TASP1: variants seen among roughly 807,000 people sequenced by gnomAD.
The protein encoded by TASP1 is threonine aspartase 1.
Under a neutral mutation model 56.6 loss-of-function variants are expected in TASP1, and 16 were observed. The ratio of observed to expected loss-of-function variants is 0.28; its 90% confidence interval spans 0.19 to 0.43. The LOEUF is 0.43. TASP1 is among the 20% of genes least tolerant of loss of function. TASP1 has a pLI of 1.00. For synonymous variants in TASP1, 179 were observed against 184.2 expected, an observed-to-expected ratio of 0.97 and a Z score of 0.23; for missense variants, 393 against 511.6, an observed-to-expected ratio of 0.77 and a Z score of 2.24.
chr20:13,183,322 T>C, the TASP1 span, among the ~76,000 whole-genome samples: 3 of 152,204 alleles, frequency 2.0e-5, no homozygotes. Context: ...AGCTGAGATA[T>C]TAAGACCAGA....
At chr20:13,426,720 A>T (rs2042629866) in intron 12 of TASP1, among the ~76,000 whole-genome samples, 2 of 151,802 alleles carry the variant, frequency 1.3e-5, no homozygotes, top group Non-Finnish European at 2.9e-5. Context: ...GAAAAGTTTA[A>T]ATATCATGTC....
At chr20:13,530,216 T>C (rs1408191128) in intron 9 of TASP1, among the ~76,000 whole-genome samples, 1 of 152,200 alleles carries the variant, frequency 6.6e-6, no homozygotes, top group Non-Finnish European at 1.5e-5. Context: ...CCCATGTTCA[T>C]GTGACCCATA....
the TASP1 span, among the ~76,000 whole-genome samples, chr20:13,220,274 G>C: frequency 1.3e-5 from 2 of 152,186 alleles, no homozygotes; most frequent in Non-Finnish European, 2.9e-5. Context: ...AGGTCAAGGA[G>C]GGAAGTGCGC....
chr20:13,494,989 T>A (rs113554835), intron 10 of TASP1, among the ~76,000 whole-genome samples: 12 of 151,832 alleles, frequency 7.9e-5, no homozygotes, highest in African/African-American at 2.9e-4. Context: ...GTTATAAACA[T>A]CTACAAATAT....
chr20:13,312,150 C>T, the TASP1 span, among the ~76,000 whole-genome samples: 2 of 152,100 alleles, frequency 1.3e-5, no homozygotes, highest in Non-Finnish European at 2.9e-5. Context: ...ACAACTGCTA[C>T]GTTATCTTCT....
the TASP1 span, among the ~76,000 whole-genome samples, chr20:13,169,472 T>C: frequency 6.6e-6 from 1 of 152,092 alleles, no homozygotes; most frequent in African/African-American, 2.4e-5. Context: ...GATGTTATCA[T>C]AGCAAAGGCC....
At chr20:13,262,013 C>T in the TASP1 span, among the ~76,000 whole-genome samples, 1 of 152,172 alleles carries the variant, frequency 6.6e-6, no homozygotes, top group South Asian at 2.1e-4. Flanking sequence ...TCCCTCTGGT[C>T]GTAGGAGGAC....
chr20:13,439,245 T>G (rs547824706), intron 11 of TASP1, among the ~76,000 whole-genome samples: 89 of 152,238 alleles, frequency 5.8e-4, no homozygotes, highest in Admixed American at 1.3e-3. Flanking sequence ...AGCAAAGACT[T>G]GGAACCAACC....
chr20:13,164,716 T>C, the TASP1 span: 5 of 1,506,576 alleles, frequency 3.3e-6, no homozygotes, highest in South Asian at 5.8e-5. Flanking sequence ...GCTACTTAGG[T>C]GTTCAATGAT....
chr20:13,354,400 T>C, the TASP1 span, among the ~76,000 whole-genome samples: 2 of 152,262 alleles, frequency 1.3e-5, no homozygotes, highest in East Asian at 3.9e-4. Context: ...TCCTAAACAC[T>C]ACCCCACAGA....
At chr20:13,304,375 C>A in the TASP1 span, among the ~76,000 whole-genome samples, 1 of 152,168 alleles carries the variant, frequency 6.6e-6, no homozygotes, top group Admixed American at 6.5e-5. Context: ...AGGTCCTTCT[C>A]ACTCCCCCAC....
chr20:13,128,667 G>A, the TASP1 span, among the ~76,000 whole-genome samples: 7,017 of 151,980 alleles, frequency 0.046, 216 homozygotes, highest in Middle Eastern at 0.099. Context: ...ATTTTGGAGG[G>A]GGAGGAGGTT....
At chr20:13,242,241 A>T in the TASP1 span, among the ~76,000 whole-genome samples, 2 of 152,226 alleles carry the variant, frequency 1.3e-5, no homozygotes, top group African/African-American at 4.8e-5. Context: ...AAAGGACAAC[A>T]GGAGGTCAAT....
intron 4 of TASP1, among the ~76,000 whole-genome samples, chr20:13,595,179 G>C (rs1316290699): frequency 6.6e-6 from 1 of 152,170 alleles, no homozygotes; most frequent in Non-Finnish European, 1.5e-5. Flanking sequence ...CAAATGCTGA[G>C]AGATTTTGTC....
the TASP1 span, among the ~76,000 whole-genome samples, chr20:13,371,739 G>A: frequency 6.6e-6 from 1 of 152,092 alleles, no homozygotes; most frequent in Non-Finnish European, 1.5e-5. Context: ...AATATTTAAA[G>A]TGGAATATTT....
intron 1 of TASP1, among the ~76,000 whole-genome samples, chr20:13,630,610 A>AT (rs1193877323): frequency 6.7e-6 from 1 of 149,494 alleles, no homozygotes; most frequent in Non-Finnish European, 1.5e-5. Flanking sequence ...GAATCACTGA[A>AT]CTCAGGAGGC....
At chr20:13,457,833 A>T (rs917577525) in intron 11 of TASP1, among the ~76,000 whole-genome samples, 3 of 152,172 alleles carry the variant, frequency 2.0e-5, no homozygotes, top group Non-Finnish European at 4.4e-5. Context: ...AATTTTAGTG[A>T]TTCCATATAA....
chr20:13,159,970 C>T, the TASP1 span: 5 of 1,163,922 alleles, frequency 4.3e-6, no homozygotes, highest in South Asian at 1.7e-5. Context: ...CAACTAACCA[C>T]TTTTTTTTTT....
chr20:13,496,511 T>C (rs1255022327), intron 10 of TASP1, among the ~76,000 whole-genome samples: 1 of 148,330 alleles, frequency 6.7e-6, no homozygotes, highest in Admixed American at 6.7e-5. Context: ...AGGAGGAGGA[T>C]CATTGGAGAA....
Sources: gnomAD v4.1 joint callset for allele counts (sites outside exome capture counted in the v4.1 genomes callset) on GRCh38, gnomAD v4.1.1 for gene constraint, MANE v1.5 for transcripts, NCBI Gene and HGNC (gene_info 2026-07-23, HGNC 2026-07-21) for gene names.